The following FBXO30 variants were observed in gnomAD, a reference collection of about 807,000 sequenced individuals.
FBXO30 encodes F-box only protein 30.
A neutral mutation model predicts 58.1 loss-of-function variants in FBXO30; 21 were observed. That is an observed-to-expected ratio of 0.36 (90% CI 0.26 to 0.52). The LOEUF is 0.52. FBXO30 is among the 20% of genes least tolerant of loss of function. The probability of loss-of-function intolerance (pLI) is 0.93; values close to 1 mark genes in which losing one functional copy is unlikely to be tolerated. For missense variants in FBXO30, 744 were observed against 897.3 expected, an observed-to-expected ratio of 0.83 and a Z score of 2.18; for synonymous variants, 309 against 312.4, an observed-to-expected ratio of 0.99 and a Z score of 0.11.
At chr6:145,813,173 T>C (rs1436094417) in intron 1 of FBXO30, among the ~76,000 whole-genome samples, 2 of 152,112 alleles carry the variant, frequency 1.3e-5, no homozygotes, top group Admixed American at 6.5e-5. Flanking sequence ...ATTAGGACAC[T>C]TTTTAGAAGA....
In FBXO30 at chr6:145,793,793, G is replaced by A. The variant is rs1777818068; in HGVS notation, c.*6313C>T. 6.6e-6 allele frequency: 1 copy of A among 151,982 alleles called. No individual in the cohort carries two copies. Among genetic ancestry groups the A allele is most frequent in the African/African-American group, 2.4e-5 (1 of 41,420 alleles). 9.4% of individuals were successfully genotyped at this position (151,982 alleles called of 1,614,324 possible). ...GAATTACAGCTTTATTTCTGCTGCTGTCAGGAGTACTTCTATGATGGGATT... is the reference window on the plus strand; with the variant it reads ...GAATTACAGCTTTATTTCTGCTGCTATCAGGAGTACTTCTATGATGGGATT... On this transcript the variant is annotated 3_prime_UTR_variant, in exon 3 of 3. Coordinates refer to ENST00000237281, the MANE Select transcript of FBXO30 (RefSeq NM_032145.5).
chr6:145,804,789 C>A lies in FBXO30; in HGVS notation c.1617G>T (p.Val539=), dbSNP rs1778111969. The A allele has an allele frequency of 6.2e-7, 1 of 1,613,870 alleles. No homozygotes were observed. The highest frequency in any genetic ancestry group is 8.5e-7 in the Non-Finnish European group (1 of 1,179,918). The change falls in exon 2 of 3, where the codon GTG becomes GTT. Residue 539 remains valine, a synonymous_variant. Coordinates refer to ENST00000237281, the MANE Select transcript of FBXO30 (RefSeq NM_032145.5). The stretch of plus-strand genomic sequence containing the variant: ...TGAGTCCAGCATGAATGTCACCATG[C>A]ACATTCTTAAAGTGGGAAGAAAATT... The part of the protein sequence containing the change: ...RKEFSSHFKN[V]HGDIHAGLNG...
rs778747166 is a variant in FBXO30, at chr6:145,805,340, T to C, written c.1066A>G (p.Met356Val). Residue 356 changes from methionine to valine, a missense_variant, in exon 2 of 3, where the codon ATG (methionine) becomes GTG (valine). By Grantham distance (21) the Met-to-Val change is conservative. Transcript: ENST00000237281. ...TCACCTTCACCTTCATCATCTGGCATGAGGATATGCTGAACTGTGCCATTA... is the reference window on the plus strand; with the variant it reads ...TCACCTTCACCTTCATCATCTGGCACGAGGATATGCTGAACTGTGCCATTA... ...LPNGTVQHIL[M>V]PDDEGEGELC... 16 of 1,613,414 alleles carry C rather than the reference T, an allele frequency of 9.9e-6. No individual in the cohort carries two copies. The South Asian group carries it at 1.8e-4, about 18-fold the overall frequency.
At chr6:145,807,302 A>T (rs1168785582) in intron 1 of FBXO30, among the ~76,000 whole-genome samples, 1 of 152,228 alleles carries the variant, frequency 6.6e-6, no homozygotes, top group Non-Finnish European at 1.5e-5. Flanking sequence ...AATCAATATG[A>T]GTAGGGATTA....
At chr6:145,801,143 C>G (rs1777984706) in intron 2 of FBXO30, among the ~76,000 whole-genome samples, 1 of 152,046 alleles carries the variant, frequency 6.6e-6, no homozygotes. Flanking sequence ...ACATAAGTAA[C>G]AAGCATGAAT....
intron 1 of FBXO30, among the ~76,000 whole-genome samples, chr6:145,809,129 G>T (rs1163252904): frequency 6.6e-5 from 10 of 152,168 alleles, no homozygotes; most frequent in African/African-American, 1.7e-4. Flanking sequence ...TTATCTTCAT[G>T]AATTTTAGAC....
At chr6:145,813,759 CG>C (rs1304688428) in intron 1 of FBXO30, among the ~76,000 whole-genome samples, 1 of 152,096 alleles carries the variant, frequency 6.6e-6, no homozygotes, top group African/African-American at 2.4e-5. Context: ...TCAGAGTCAA[CG>C]AAGTAATCAT....
rs1583186850 is a variant in FBXO30, at chr6:145,795,293, A to C, written c.*4813T>G. 1 of 152,004 alleles carries C rather than the reference A, an allele frequency of 6.6e-6. No individual in the cohort carries two copies. The highest frequency in any genetic ancestry group is 1.9e-4 in the East Asian group (1 of 5,190). The allele number at this position is 152,004 out of a possible 1,614,324, so 9.4% of individuals were successfully genotyped here. A position where few individuals can be genotyped will look rare whatever the true frequency, so the allele number is the denominator to read the frequency against. ...ACCTAATTTATTGGTCTTAAGAGCA[A>C]TTTGACCTGATTAATTGGTCTTAAG... On this transcript the variant is annotated 3_prime_UTR_variant, in exon 3 of 3. Coordinates refer to ENST00000237281, the MANE Select transcript of FBXO30 (RefSeq NM_032145.5).
At chr6:145,803,639 A>C (rs17822170) in intron 2 of FBXO30, among the ~76,000 whole-genome samples, 1,650 of 152,318 alleles carry the variant, frequency 0.011, 13 homozygotes, top group Admixed American at 0.017. Flanking sequence ...GAAGCTGAGC[A>C]AAAGTAGGGT....
At chr6:145,802,203 T>A (rs910628911) in intron 2 of FBXO30, among the ~76,000 whole-genome samples, 2 of 152,016 alleles carry the variant, frequency 1.3e-5, no homozygotes, top group African/African-American at 4.8e-5. Flanking sequence ...GTGCAACAAC[T>A]TGTCAGGTTA....
rs1257092957 is a variant in FBXO30, at chr6:145,814,753, C to G, written c.-167G>C. The G allele has an allele frequency of 2.6e-5, 4 of 153,554 alleles. No individual in the cohort carries two copies. The highest frequency in any genetic ancestry group is 5.8e-5 in the Non-Finnish European group (4 of 69,246). The allele number at this position is 153,554 out of a possible 1,614,324, so 9.5% of individuals were successfully genotyped here. A position where few individuals can be genotyped will look rare whatever the true frequency, so the allele number is the denominator to read the frequency against. On this transcript the variant is annotated 5_prime_UTR_variant, in exon 1 of 3. Transcript: ENST00000237281. ...TTCCCCAGCCGGGCCGCCGCCTTTT[C>G]TCTTCTCCCGGCCTGCTCCAGAGGC...
Position 145,813,124 on chromosome 6 carries a change from C to T in FBXO30, c.-17+1479G>A, listed in dbSNP as rs145009918. Among the ~76,000 whole-genome samples, 634 of 152,224 alleles carry T rather than the reference C, an allele frequency of 4.2e-3. 4 individuals are homozygous for T. The highest frequency in any genetic ancestry group is 0.015 in the African/African-American group (608 of 41,532). ...TGACCTTAAAGTACCTCTCTATACA[C>T]GTTAGCATTACTTATATAATATTGC... On this transcript the variant is annotated intron_variant, in intron 1 of 2. Transcript: ENST00000237281.
Position 145,805,767 on chromosome 6 carries a change from A to G in FBXO30, c.639T>C (p.Ser213=). The G allele has an allele frequency of 6.2e-7, 1 of 1,614,108 alleles. No homozygotes were observed. Among genetic ancestry groups the G allele is most frequent in the Non-Finnish European group, 8.5e-7 (1 of 1,179,998 alleles). Residue 213 remains serine, a synonymous_variant, in exon 2 of 3, where the codon AGT becomes AGC. Transcript: ENST00000237281. ...GCTGTTCATCCATGTCATTTGGGAC[A>G]CTTGTATTTAACATGCCAATGTCTC... The part of the protein sequence containing the change: ...ATRDIGMLNT[S]VPNDMDEQQN...
chr6:145,808,054 C>T (rs1778228738), intron 1 of FBXO30, among the ~76,000 whole-genome samples: 1 of 151,990 alleles, frequency 6.6e-6, no homozygotes, highest in African/African-American at 2.4e-5. Context: ...CTCAAATGAG[C>T]CCAGGAGATT....
At chr6:145,811,905 G>GT (rs1304260927) in intron 1 of FBXO30, 1 of 152,118 alleles carries the variant, frequency 6.6e-6, no homozygotes, top group Non-Finnish European at 1.5e-5. Context: ...AAGTCCAGAG[G>GT]TATTAGTGCA....
chr6:145,802,877 G>C (rs562769552), intron 2 of FBXO30, among the ~76,000 whole-genome samples: 12 of 152,128 alleles, frequency 7.9e-5, no homozygotes, highest in South Asian at 4.2e-4. Flanking sequence ...AAAAATAAAG[G>C]GGGGAGAAAA....
intron 1 of FBXO30, among the ~76,000 whole-genome samples, chr6:145,811,649 T>C (rs1778337210): frequency 2.0e-5 from 3 of 152,110 alleles, no homozygotes; most frequent in Non-Finnish European, 2.9e-5. Flanking sequence ...CCGATTAGGG[T>C]AGAGAGTGAG....
Position 145,805,375 on chromosome 6 carries a change from C to T in FBXO30, c.1031G>A (p.Ser344Asn). The change falls in exon 2 of 3, where the codon AGT becomes AAT. Residue 344 changes from serine (S) to asparagine (N), a missense_variant. This residue lies in a region of FBXO30 where 275 missense variants were observed against 262.0 expected (regional missense o/e 1.05). Transcript: ENST00000237281. ...CTGAACTGTGCCATTAGGCAAAGCA[C>T]TGGATGGTATTATTTCCCTAAGTTG... is the stretch of plus-strand genomic sequence containing the variant. Reference protein sequence around the residue: ...AAQLREIIPSSALPNGTVQHI... With the variant: ...AAQLREIIPSNALPNGTVQHI... 2 of 1,614,058 alleles carry T rather than the reference C, an allele frequency of 1.2e-6. No homozygotes were observed. The highest frequency in any genetic ancestry group is 1.1e-5 in the South Asian group (1 of 91,088).
chr6:145,806,360 T>C lies in FBXO30; in HGVS notation c.46A>G (p.Arg16Gly), dbSNP rs759205591. The C allele has an allele frequency of 6.2e-6, 10 of 1,613,932 alleles. No individual in the cohort carries two copies. The East Asian group carries it at 2.2e-4, about 36-fold the overall frequency. Reference protein sequence around the residue: ...QHSHCVNCVSRRCMTRPEPGI... With the variant: ...QHSHCVNCVSGRCMTRPEPGI... ...GGCTCTGGCCTGGTCATGCACCGTC[T>C]ACTGACACAATTCACACAATGGGAA... Residue 16 changes from arginine (R) to glycine (G), a missense_variant, in exon 2 of 3, where the codon AGA (arginine) becomes GGA (glycine). By Grantham distance (125) the Arg-to-Gly change is moderately radical. Around this residue, in one of 3 missense-constraint regions of FBXO30, gnomAD observed 135 missense variants for 201.6 expected, o/e 0.67. Coordinates refer to ENST00000237281, the MANE Select transcript of FBXO30 (RefSeq NM_032145.5).
Sources: gnomAD v4.1 joint callset for allele counts (sites outside exome capture counted in the v4.1 genomes callset) on GRCh38, gnomAD v4.1.1 for gene constraint, gnomAD v4.1.1 regional missense constraint, MANE v1.5 for transcripts, NCBI Gene and HGNC (gene_info 2026-07-23, HGNC 2026-07-21) for gene names.